Variants in PRKN observed in about 807,000 individuals in gnomAD.
The protein encoded by PRKN is parkin RBR E3 ubiquitin protein ligase.
A neutral mutation model predicts 59.5 loss-of-function variants in PRKN; 56 were observed. The observed-to-expected ratio is 0.94, with a 90% confidence interval of 0.76 to 1.18. The LOEUF (loss-of-function observed/expected upper bound fraction) is 1.18, where lower values mean the gene tolerates loss of function less well. Ranked by LOEUF, PRKN falls within the 50% of genes most tolerant of loss-of-function variation. PRKN has a pLI of 0.00. For missense variants in PRKN, 657 were observed against 596.4 expected (o/e 1.10, Z -1.06); for synonymous variants, 250 against 222.1 (o/e 1.13, Z -1.12).
intron 10 of PRKN, among the ~76,000 whole-genome samples, chr6:161,366,447 C>A (rs1345404847): frequency 2.0e-5 from 3 of 152,170 alleles, no homozygotes; most frequent in East Asian, 3.8e-4. Context: ...AGAGAAAATA[C>A]CCCAAACCCT....
At chr6:162,647,009 A>C (rs1414506821) in intron 1 of PRKN, among the ~76,000 whole-genome samples, 1 of 152,192 alleles carries the variant, frequency 6.6e-6, no homozygotes, top group East Asian at 1.9e-4. Context: ...CAAGGACAAA[A>C]AATACAGAAG....
chr6:162,121,485 C>T (rs1189095454), intron 4 of PRKN, among the ~76,000 whole-genome samples: 3 of 152,140 alleles, frequency 2.0e-5, no homozygotes, highest in Non-Finnish European at 4.4e-5. Context: ...ACTGCTTTCA[C>T]CCATTTATCA....
intron 6 of PRKN, among the ~76,000 whole-genome samples, chr6:161,843,242 C>T (rs1341874537): frequency 6.6e-6 from 1 of 152,178 alleles, no homozygotes; most frequent in East Asian, 1.9e-4. Flanking sequence ...TTCTGAATAA[C>T]AGCCCCTCAT....
intron 2 of PRKN, among the ~76,000 whole-genome samples, chr6:162,303,001 G>GAC (rs1413545222): frequency 3.0e-5 from 2 of 65,948 alleles, no homozygotes; most frequent in African/African-American, 4.2e-5. Flanking sequence ...CACACACACA[G>GAC]ACACACACAC....
intron 2 of PRKN, among the ~76,000 whole-genome samples, chr6:162,357,575 T>C (rs749356715): frequency 3.0e-4 from 45 of 152,178 alleles, no homozygotes; most frequent in Admixed American, 5.9e-4. Flanking sequence ...TGGAAGATAG[T>C]TTGGCAGTTT....
chr6:161,968,175 C>T (rs1372157817), intron 6 of PRKN, among the ~76,000 whole-genome samples: 18 of 147,594 alleles, frequency 1.2e-4, no homozygotes, highest in Non-Finnish European at 2.5e-4. Flanking sequence ...CGCGCGCCAC[C>T]ATGCCTGGCT....
At chr6:162,011,771 T>G (rs1457012048) in intron 5 of PRKN, among the ~76,000 whole-genome samples, 1 of 151,510 alleles carries the variant, frequency 6.6e-6, no homozygotes, top group East Asian at 1.9e-4. Context: ...TACAAAGTTC[T>G]GGGTATTCTA....
In PRKN at chr6:162,484,970, G is replaced by T. The variant is rs1022916329; in HGVS notation, c.8-41497C>A. Among the ~76,000 whole-genome samples the T allele has an allele frequency of 2.6e-5, 4 of 152,000 alleles. No individual in the cohort carries two copies. In the East Asian group the frequency reaches 7.7e-4, roughly 29 times the overall value. The stretch of plus-strand genomic sequence containing the variant: ...TGGTCATATTTACTAGTTTTTCTAT[G>T]GCCTGTGGCATATATTCTTTTCATA... On this transcript the variant is annotated intron_variant, in intron 1 of 11. Transcript: ENST00000366898.
intron 3 of PRKN, among the ~76,000 whole-genome samples, chr6:162,249,239 A>G (rs1779327390): frequency 6.6e-6 from 1 of 152,234 alleles, no homozygotes. Flanking sequence ...GAAAGGCAGA[A>G]AGAAATACTT....
intron 7 of PRKN, among the ~76,000 whole-genome samples, chr6:161,627,121 A>C (rs1783118556): frequency 6.6e-6 from 1 of 152,168 alleles, no homozygotes; most frequent in Non-Finnish European, 1.5e-5. Context: ...CACAATATGC[A>C]TTTTCTCAAG....
chr6:162,137,277 G>A (rs1470639428), intron 4 of PRKN, among the ~76,000 whole-genome samples: 1 of 152,140 alleles, frequency 6.6e-6, no homozygotes, highest in Admixed American at 6.5e-5. Context: ...CTGAAATCAT[G>A]ACTTGCTATT....
intron 6 of PRKN, among the ~76,000 whole-genome samples, chr6:161,964,667 G>T (rs954313605): frequency 6.6e-5 from 10 of 152,006 alleles, no homozygotes; most frequent in Non-Finnish European, 1.3e-4. Context: ...AAACACTGGT[G>T]CTACAACACA....
intron 6 of PRKN, among the ~76,000 whole-genome samples, chr6:161,962,553 T>C (rs1028245517): frequency 6.6e-6 from 1 of 151,302 alleles, no homozygotes; most frequent in South Asian, 2.1e-4. Flanking sequence ...TTTTTTTTTT[T>C]TTTTTGAGAC....
chr6:161,412,551 T>C (rs547727471), intron 9 of PRKN, among the ~76,000 whole-genome samples: 3 of 150,882 alleles, frequency 2.0e-5, no homozygotes, highest in East Asian at 4.0e-4. Context: ...CACTCATTCC[T>C]TCCTCACTCA....
intron 2 of PRKN, among the ~76,000 whole-genome samples, chr6:162,294,883 C>T (rs1044623677): frequency 1.3e-5 from 2 of 152,170 alleles, no homozygotes; most frequent in Non-Finnish European, 2.9e-5. Context: ...AAATACTGCA[C>T]TCACTTTGAT....
Position 161,975,670 on chromosome 6 carries a change from T to C in PRKN, c.619-2253A>G, listed in dbSNP as rs77857810. 7.4e-3 allele frequency among the ~76,000 whole-genome samples: 1,119 copies of C among 152,174 alleles called. 16 individuals are homozygous for C. Among genetic ancestry groups the C allele is most frequent in the African/African-American group, 0.026 (1,060 of 41,532 alleles). Reference sequence around the variant, plus strand: ...GATCGCTGAACCCACCCTGGGATTTTTGTGATTTCTGGGATGGCATCAAGA... The same window carrying C: ...GATCGCTGAACCCACCCTGGGATTTCTGTGATTTCTGGGATGGCATCAAGA... On this transcript the variant is annotated intron_variant, in intron 5 of 11. Transcript: ENST00000366898.
intron 1 of PRKN, among the ~76,000 whole-genome samples, chr6:162,622,495 T>G (rs889334820): frequency 6.6e-6 from 1 of 152,094 alleles, no homozygotes; most frequent in Non-Finnish European, 1.5e-5. Flanking sequence ...TCCTCTCAAA[T>G]TCTGCTGAGG....
At chr6:162,538,645 C>A (rs60162353) in intron 1 of PRKN, among the ~76,000 whole-genome samples, 1 of 152,038 alleles carries the variant, frequency 6.6e-6, no homozygotes, top group Non-Finnish European at 1.5e-5. Context: ...TCTGAGGCAA[C>A]GACCGCGTGT....
At chr6:161,959,410 G>T (rs1323006474) in intron 6 of PRKN, among the ~76,000 whole-genome samples, 1 of 152,096 alleles carries the variant, frequency 6.6e-6, no homozygotes, top group Non-Finnish European at 1.5e-5. Context: ...GGAGAAGTCC[G>T]CCCATAACAG....
Sources: gnomAD v4.1 joint callset for allele counts (sites outside exome capture counted in the v4.1 genomes callset) on GRCh38, gnomAD v4.1.1 for gene constraint, MANE v1.5 for transcripts, NCBI Gene and HGNC (gene_info 2026-07-23, HGNC 2026-07-21) for gene names.